Variants in MARCHF10 observed in about 807,000 individuals in gnomAD.
MARCHF10 encodes probable E3 ubiquitin-protein ligase MARCHF10.
A neutral mutation model predicts 76.2 loss-of-function variants in MARCHF10; 64 were observed. The ratio of observed to expected loss-of-function variants is 0.84; its 90% CI spans 0.69 to 1.03. The LOEUF (loss-of-function observed/expected upper bound fraction) is 1.03, where lower values mean the gene tolerates loss of function less well. Among genes scored for constraint, MARCHF10 ranks in the 50% least tolerant of loss-of-function variants. The pLI, the probability that MARCHF10 is intolerant of heterozygous loss-of-function variation, is 0.00. For missense variants in MARCHF10, 875 were observed against 958.0 expected, an observed-to-expected ratio of 0.91 and a Z score of 1.14; for synonymous variants, 340 against 357.5, an observed-to-expected ratio of 0.95 and a Z score of 0.55.
intron 5 of MARCHF10, among the ~76,000 whole-genome samples, chr17:62,743,559 C>T (rs2091593919): frequency 6.6e-6 from 1 of 152,138 alleles, no homozygotes; most frequent in Admixed American, 6.5e-5. Flanking sequence ...ATGTGAATTG[C>T]TTGAATCCGG....
chr17:62,788,796 G>A (rs2092789312), intron 2 of MARCHF10, among the ~76,000 whole-genome samples, 197 bp from the exon 3 acceptor site: 1 of 151,676 alleles, frequency 6.6e-6, no homozygotes, highest in Non-Finnish European at 1.5e-5. Context: ...GGGCGCGGTG[G>A]CTCACGCCTG....
intron 2 of MARCHF10, among the ~76,000 whole-genome samples, chr17:62,799,513 C>T (rs1165376771): frequency 2.6e-5 from 4 of 152,094 alleles, no homozygotes; most frequent in Non-Finnish European, 4.4e-5. Flanking sequence ...TTTGGGAGGC[C>T]GAGGCGGGCA....
At chr17:62,709,624 G>A (rs943526971) in intron 9 of MARCHF10, among the ~76,000 whole-genome samples, 11 of 152,346 alleles carry the variant, frequency 7.2e-5, no homozygotes, top group African/African-American at 2.6e-4. Flanking sequence ...TGCTGACTTA[G>A]TGCCTCTCTT....
At chr17:62,778,651 C>A (rs576827953) in intron 3 of MARCHF10, among the ~76,000 whole-genome samples, 1 of 146,594 alleles carries the variant, frequency 6.8e-6, no homozygotes, top group African/African-American at 2.6e-5. Context: ...CCACTGCACT[C>A]CAGCCTGGGT....
chr17:62,704,963 A>AG (rs2089487163), intron 10 of MARCHF10: 1 of 460,912 alleles, frequency 2.2e-6, no homozygotes, highest in Admixed American at 6.8e-5. Flanking sequence ...TTTTTTTTTA[A>AG]TGGAAAAAGG....
chr17:62,766,382 C>T (rs1240952734), intron 3 of MARCHF10, among the ~76,000 whole-genome samples: 1 of 152,034 alleles, frequency 6.6e-6, no homozygotes, highest in African/African-American at 2.4e-5. Flanking sequence ...TGCCTGTAAT[C>T]CCAGCTACTC....
intron 3 of MARCHF10, among the ~76,000 whole-genome samples, chr17:62,788,090 T>C (rs939935635): frequency 2.6e-5 from 4 of 152,194 alleles, no homozygotes; most frequent in African/African-American, 9.7e-5. Flanking sequence ...AGGCCCAACC[T>C]TGCATCAAGT....
At chr17:62,800,900 T>TA (rs2093060557) in intron 2 of MARCHF10, among the ~76,000 whole-genome samples, 1 of 152,202 alleles carries the variant, frequency 6.6e-6, no homozygotes, top group Non-Finnish European at 1.5e-5. Flanking sequence ...TAGCTCATTG[T>TA]AAAATGTGCA....
At chr17:62,805,480 T>C (rs931865624) in intron 1 of MARCHF10, among the ~76,000 whole-genome samples, 1 of 152,198 alleles carries the variant, frequency 6.6e-6, no homozygotes. Flanking sequence ...CCAAAGTTAA[T>C]ATAGAAAGCC....
chr17:62,702,124 G>A (rs1210500245), intron 10 of MARCHF10, among the ~76,000 whole-genome samples: 2 of 152,168 alleles, frequency 1.3e-5, no homozygotes, highest in Non-Finnish European at 2.9e-5. Context: ...GCAGGGAAGG[G>A]GGAACGGACC....
chr17:62,720,221 A>C (rs573274454), intron 8 of MARCHF10, among the ~76,000 whole-genome samples: 1 of 152,166 alleles, frequency 6.6e-6, no homozygotes, highest in South Asian at 2.1e-4. Flanking sequence ...ACCTTTGAGT[A>C]TGTCTTGTAA....
chr17:62,723,618 T>C (rs1303410922), intron 7 of MARCHF10, among the ~76,000 whole-genome samples: 1 of 146,112 alleles, frequency 6.8e-6, no homozygotes, highest in Non-Finnish European at 1.5e-5. Context: ...AAATGTCCCA[T>C]GAGTCTTCCG....
chr17:62,708,112 A>C (rs1032451187), intron 9 of MARCHF10, among the ~76,000 whole-genome samples: 1 of 152,134 alleles, frequency 6.6e-6, no homozygotes, highest in Non-Finnish European at 1.5e-5. Flanking sequence ...AGAGAAAGAA[A>C]ATCTTTGAGT....
In MARCHF10 at chr17:62,711,254, G is replaced by T. The variant is rs1195595141; in HGVS notation, c.2305C>A (p.His769Asn). 6 of 1,613,852 alleles carry T rather than the reference G, an allele frequency of 3.7e-6. No individual in the cohort carries two copies. Among genetic ancestry groups the T allele is most frequent in the African/African-American group, 1.3e-5 (1 of 74,918 alleles). Residue 769 changes from histidine to asparagine, a missense_variant, in exon 9 of 11, where the codon CAC becomes AAC. Coordinates refer to ENST00000311269, the MANE Select transcript of MARCHF10 (RefSeq NM_152598.4). The surrounding 1 kb of genome is among the most constrained non-coding windows in gnomAD (Gnocchi z 4.4). ...ACCCTCTCTCTTTCCACCTGGTTGT[G>T]GTTGAGCCTCATGAGTTCTGCAAAC... ...QRFAELMRLN[H>N]NQVERERLSR...
chr17:62,728,600 C>G (rs1181887952), intron 6 of MARCHF10, among the ~76,000 whole-genome samples: 57 of 151,980 alleles, frequency 3.8e-4, no homozygotes, highest in Non-Finnish European at 4.4e-5. Flanking sequence ...GGAGGTAATT[C>G]TCAGGAGGAT....
At chr17:62,796,666 G>T (rs1202647424) in intron 2 of MARCHF10, among the ~76,000 whole-genome samples, 1 of 152,166 alleles carries the variant, frequency 6.6e-6, no homozygotes, top group African/African-American at 2.4e-5. Context: ...TTAAGAAGTC[G>T]TGGTCCAGGT....
At chr17:62,748,035 C>G (rs1180631609) in intron 4 of MARCHF10, among the ~76,000 whole-genome samples, 1 of 152,190 alleles carries the variant, frequency 6.6e-6, no homozygotes, top group Non-Finnish European at 1.5e-5. Context: ...AATATTTTCT[C>G]TTCTCTGTCT....
At chr17:62,780,687 A>G (rs1311101941) in intron 3 of MARCHF10, among the ~76,000 whole-genome samples, 1 of 152,094 alleles carries the variant, frequency 6.6e-6, no homozygotes, top group Admixed American at 6.6e-5. Flanking sequence ...ACTGACAGTG[A>G]TCTCTACCTT....
intron 2 of MARCHF10, among the ~76,000 whole-genome samples, chr17:62,795,349 A>G (rs530575543): frequency 4.9e-5 from 6 of 121,618 alleles, no homozygotes; most frequent in African/African-American, 2.2e-4. Context: ...TACATAAATC[A>G]TTTGATCAAA....
Sources: gnomAD v4.1 joint callset for allele counts (sites outside exome capture counted in the v4.1 genomes callset) on GRCh38, gnomAD v4.1.1 for gene constraint, Gnocchi (gnomAD v3.1) non-coding constraint, MANE v1.5 for transcripts, NCBI Gene and HGNC (gene_info 2026-07-23, HGNC 2026-07-21) for gene names.